Variants in ATP6V1H observed in about 807,000 individuals in gnomAD.
The protein encoded by ATP6V1H is V-type proton ATPase subunit H.
Under a neutral mutation model 71.7 loss-of-function variants are expected in ATP6V1H, and 39 were observed. The observed-to-expected ratio is 0.54, with a 90% CI of 0.42 to 0.71. ATP6V1H has a LOEUF of 0.71. Among genes scored for constraint, ATP6V1H ranks in the 30% least tolerant of loss-of-function variants. ATP6V1H has a pLI of 0.00. For missense variants in ATP6V1H, 509 were observed against 594.9 expected, an observed-to-expected ratio of 0.86 and a Z score of 1.50; for synonymous variants, 192 against 199.3, an observed-to-expected ratio of 0.96 and a Z score of 0.31.
chr8:53,747,510 G>A (rs1807646376), intron 12 of ATP6V1H, among the ~76,000 whole-genome samples: 1 of 150,942 alleles, frequency 6.6e-6, no homozygotes, highest in Admixed American at 6.6e-5. Context: ...ACTAAAGGAG[G>A]AATAAAGAGA....
At chr8:53,718,957 A>G (rs1806524229) in intron 13 of ATP6V1H, among the ~76,000 whole-genome samples, 1 of 152,160 alleles carries the variant, frequency 6.6e-6, no homozygotes, top group Non-Finnish European at 1.5e-5. Context: ...GCAAGAGAAG[A>G]GCCCAGACAG....
Position 53,790,573 on chromosome 8 carries a change from C to T in ATP6V1H, c.870+5074G>A, listed in dbSNP as rs192757914. ...GATGATATTACTCTCACAGGACACA[C>T]GAAAAAAACTAAAGCACGGAGAGGC... On this transcript the variant is annotated intron_variant, in intron 9 of 13. Transcript: ENST00000359530. Among the ~76,000 whole-genome samples, 338 of 152,238 alleles carry T rather than the reference C, an allele frequency of 2.2e-3. 2 individuals carry two copies. The highest frequency in any genetic ancestry group is 7.8e-3 in the African/African-American group (324 of 41,516).
intron 3 of ATP6V1H, 167 bp downstream of exon 3, chr8:53,832,817 T>C (rs1179355058): frequency 4.5e-6 from 2 of 448,550 alleles, no homozygotes; most frequent in Non-Finnish European, 3.9e-6. Flanking sequence ...CAGGTGTATA[T>C]TCTAAGAAAA....
intron 13 of ATP6V1H, among the ~76,000 whole-genome samples, chr8:53,743,349 T>C (rs1271732728): frequency 5.4e-5 from 8 of 148,282 alleles, no homozygotes; most frequent in Admixed American, 5.4e-4. Context: ...CTGGAGTCGT[T>C]TTTGAAATTA....
At chr8:53,826,534 T>C (rs1159444475) in intron 4 of ATP6V1H, among the ~76,000 whole-genome samples, 1 of 151,426 alleles carries the variant, frequency 6.6e-6, no homozygotes, top group Admixed American at 6.6e-5. Flanking sequence ...TTCTGTTAAG[T>C]GAAACAAGCA....
intron 13 of ATP6V1H, among the ~76,000 whole-genome samples, chr8:53,734,782 G>A (rs1807139451): frequency 6.6e-6 from 1 of 152,114 alleles, no homozygotes; most frequent in African/African-American, 2.4e-5. Context: ...CCGGGCGTCA[G>A]TCACAGCCCT....
chr8:53,828,873 C>T lies in ATP6V1H; in HGVS notation c.306+571G>A, dbSNP rs190412464. ...TCATAAGAACTGCTCTACATACCAA[C>T]CATCTAAGCCTAGATTATACTCTAG... On this transcript the variant is annotated intron_variant, in intron 4 of 13. Coordinates refer to ENST00000359530, the MANE Select transcript of ATP6V1H (RefSeq NM_015941.4). Among the ~76,000 whole-genome samples the T allele has an allele frequency of 3.6e-3, 546 of 152,292 alleles. 3 individuals carry two copies. Among genetic ancestry groups the T allele is most frequent in the Non-Finnish European group, 4.7e-3 (319 of 68,022 alleles).
chr8:53,736,728 G>A (rs1287763637), intron 13 of ATP6V1H, among the ~76,000 whole-genome samples: 1 of 152,158 alleles, frequency 6.6e-6, no homozygotes, highest in Non-Finnish European at 1.5e-5. Context: ...TAGTGAAAAT[G>A]AGAATGAGAA....
At chr8:53,814,175 T>A (rs1373122102) in intron 6 of ATP6V1H, among the ~76,000 whole-genome samples, 1 of 152,142 alleles carries the variant, frequency 6.6e-6, no homozygotes, top group African/African-American at 2.4e-5. Context: ...CTCGAATCTT[T>A]CAGAGAGCTC....
chr8:53,772,854 T>TC (rs1263099930), intron 9 of ATP6V1H, among the ~76,000 whole-genome samples: 4 of 140,764 alleles, frequency 2.8e-5, no homozygotes, highest in African/African-American at 1.2e-4. Context: ...GACCTCTGTT[T>TC]TAAAAAAAAG....
At chr8:53,719,634 C>T (rs138655093) in intron 13 of ATP6V1H, among the ~76,000 whole-genome samples, 4 of 152,314 alleles carry the variant, frequency 2.6e-5, no homozygotes, top group East Asian at 3.9e-4. Context: ...CCATCTGGAC[C>T]GCGTTCCGAG....
chr8:53,777,701 C>T (rs1457350038), intron 9 of ATP6V1H, among the ~76,000 whole-genome samples: 1 of 152,118 alleles, frequency 6.6e-6, no homozygotes, highest in African/African-American at 2.4e-5. Context: ...TCTACTACTA[C>T]GGTGCAAAAG....
At chr8:53,761,223 G>A (rs1212698589) in intron 11 of ATP6V1H, among the ~76,000 whole-genome samples, 3 of 152,068 alleles carry the variant, frequency 2.0e-5, no homozygotes. Context: ...TGTAGTCCCA[G>A]GTACTCGGGA....
chr8:53,795,566 T>G, intron 9 of ATP6V1H, 81 bp downstream of exon 9: 1 of 1,287,894 alleles, frequency 7.8e-7, no homozygotes, highest in Non-Finnish European at 1.1e-6. Context: ...ACAAGTAATT[T>G]TTTCCCGCCT....
At chr8:53,750,973 A>G (rs1807774832) in intron 12 of ATP6V1H, among the ~76,000 whole-genome samples, 1 of 152,180 alleles carries the variant, frequency 6.6e-6, no homozygotes, top group East Asian at 1.9e-4. Flanking sequence ...ATTATTATCA[A>G]TGAGTATTAA....
intron 9 of ATP6V1H, among the ~76,000 whole-genome samples, chr8:53,788,510 A>C (rs958299244): frequency 2.0e-5 from 3 of 152,208 alleles, no homozygotes; most frequent in African/African-American, 7.2e-5. Flanking sequence ...AAAGAGGAAA[A>C]CTGTTATTAT....
At chr8:53,746,453 C>T (rs1209880165) in intron 12 of ATP6V1H, among the ~76,000 whole-genome samples, 2 of 151,950 alleles carry the variant, frequency 1.3e-5, no homozygotes, top group South Asian at 2.1e-4. Flanking sequence ...TTAGTAGAGA[C>T]GGGGTTTCAC....
At chr8:53,825,434 A>G (rs1462131151) in intron 4 of ATP6V1H, among the ~76,000 whole-genome samples, 1 of 151,876 alleles carries the variant, frequency 6.6e-6, no homozygotes, top group African/African-American at 2.4e-5. Flanking sequence ...CTGACATTCC[A>G]TTTCATACAA....
intron 13 of ATP6V1H, 127 bp downstream of exon 13, chr8:53,743,450 C>A: frequency 3.3e-6 from 2 of 613,160 alleles, no homozygotes; most frequent in East Asian, 3.7e-5. Context: ...AAATATATTT[C>A]TAAATTTTGA....
Sources: allele counts gnomAD v4.1 joint callset (sites outside exome capture counted in the v4.1 genomes callset), GRCh38; gene constraint gnomAD v4.1.1; transcripts MANE v1.5; gene names NCBI Gene and HGNC (gene_info 2026-07-23, HGNC 2026-07-21).